MAP4K3: variants seen among roughly 807,000 people sequenced by gnomAD.
MAP4K3 encodes MAPK/ERK kinase kinase kinase 3.
A neutral mutation model predicts 143.5 loss-of-function variants in MAP4K3; 94 were observed. The observed-to-expected ratio is 0.65, with a 90% CI of 0.55 to 0.78. The LOEUF is 0.78. Among genes scored for constraint, MAP4K3 ranks in the 30% least tolerant of loss-of-function variants. MAP4K3 has a pLI of 0.00. For synonymous variants in MAP4K3, 416 were observed against 347.2 expected (o/e 1.20, Z -2.20); for missense variants, 1,077 against 1,068.1 (o/e 1.01, Z -0.12).
Position 39,283,017 on chromosome 2 carries a change from C to G in MAP4K3, c.1588-463G>C, listed in dbSNP as rs375294295. The stretch of plus-strand genomic sequence containing the variant: ...GCATAAATATACTTTATTTAGCTAT[C>G]CTTAAACATTATTCGGTATTTAGAT... On this transcript the variant is annotated intron_variant, in intron 21 of 33. Transcript: ENST00000263881. Among the ~76,000 whole-genome samples the G allele has an allele frequency of 3.1e-4, 47 of 152,210 alleles. No homozygotes were observed. The South Asian group carries it at 9.5e-3, about 31-fold the overall frequency.
intron 15 of MAP4K3, among the ~76,000 whole-genome samples, chr2:39,305,114 A>G (rs920520052): frequency 5.3e-5 from 8 of 152,182 alleles, no homozygotes; most frequent in Admixed American, 2.0e-4. Flanking sequence ...GGAAGATGAA[A>G]TCATTCTGAA....
Position 39,337,014 on chromosome 2 carries a change from C to T in MAP4K3, c.367-47G>A, listed in dbSNP as rs369735042. 476 of 970,128 alleles carry T rather than the reference C, an allele frequency of 4.9e-4. 3 individuals are homozygous for T. The highest frequency in any genetic ancestry group is 6.3e-4 in the Non-Finnish European group (399 of 633,726). 60.1% of individuals were successfully genotyped at this position (970,128 alleles called of 1,614,324 possible). ...AAATAAACAAGATTTTATCAAAGAG[C>T]ACTCTTTTGGATTTTATGTAATCAA... On this transcript the variant is annotated intron_variant, in intron 5 of 33. Coordinates refer to ENST00000263881, the MANE Select transcript of MAP4K3 (RefSeq NM_003618.4).
intron 1 of MAP4K3, among the ~76,000 whole-genome samples, chr2:39,434,647 G>A (rs141223688): frequency 4.1e-4 from 63 of 152,352 alleles, no homozygotes; most frequent in Admixed American, 2.2e-3. Context: ...CTTTAGAGAG[G>A]CAGCACTGCC....
rs751876057 is a variant in MAP4K3, at chr2:39,307,929, A to T, written c.1119+14T>A. On this transcript the variant is annotated intron_variant, in intron 15 of 33. Transcript: ENST00000263881. Reference sequence around the variant, plus strand: ...AAACAATGCTGACAAAGAAAATCAGAAGATGAGAAATACCAGATTAGATCT... The same window carrying T: ...AAACAATGCTGACAAAGAAAATCAGTAGATGAGAAATACCAGATTAGATCT... 4 of 1,520,422 alleles carry T rather than the reference A, an allele frequency of 2.6e-6. No individual in the cohort carries two copies. In the Admixed American group the frequency reaches 8.5e-5, roughly 32 times the overall value. 94.2% of individuals were successfully genotyped at this position (1,520,422 alleles called of 1,614,324 possible). A position where few individuals can be genotyped will look rare whatever the true frequency, so the allele number is the denominator to read the frequency against.
chr2:39,332,694 A>G (rs1036779751), intron 7 of MAP4K3, among the ~76,000 whole-genome samples: 1 of 152,064 alleles, frequency 6.6e-6, no homozygotes, highest in African/African-American at 2.4e-5. Flanking sequence ...CTGTTCACTA[A>G]GCAATCAATA....
In MAP4K3 at chr2:39,337,168, G is replaced by A. The variant is rs368743443; in HGVS notation, c.367-201C>T. 3.3e-5 allele frequency among the ~76,000 whole-genome samples: 5 copies of A among 152,046 alleles called. No individual in the cohort carries two copies. The South Asian group carries it at 1.0e-3, about 32-fold the overall frequency. ...TAATTTTTCTAAGAAAATTTTCAGT[G>A]AATTCTACAAATAGTTTGAAATAAC... On this transcript the variant is annotated intron_variant, in intron 5 of 33. Coordinates refer to ENST00000263881, the MANE Select transcript of MAP4K3 (RefSeq NM_003618.4).
At chr2:39,398,800 T>C (rs575613764) in intron 1 of MAP4K3, among the ~76,000 whole-genome samples, 44 of 150,612 alleles carry the variant, frequency 2.9e-4, no homozygotes, top group Non-Finnish European at 5.6e-4. Context: ...CCCAGCACTT[T>C]GGGAGGCTGA....
intron 3 of MAP4K3, among the ~76,000 whole-genome samples, chr2:39,347,171 G>T (rs1573181387): frequency 6.6e-6 from 1 of 152,128 alleles, no homozygotes; most frequent in African/African-American, 2.4e-5. Context: ...ACAGCTACTG[G>T]AATACGAGCT....
chr2:39,418,661 G>A (rs888559383), intron 1 of MAP4K3, among the ~76,000 whole-genome samples: 2 of 151,342 alleles, frequency 1.3e-5, no homozygotes, highest in African/African-American at 4.9e-5. Context: ...TATTGCCAGT[G>A]ATAAATTATG....
intron 3 of MAP4K3, among the ~76,000 whole-genome samples, chr2:39,352,085 G>A (rs1665476941): frequency 6.6e-6 from 1 of 152,150 alleles, no homozygotes; most frequent in Non-Finnish European, 1.5e-5. Flanking sequence ...AAGGTCAGGA[G>A]TTAAAGACCA....
intron 11 of MAP4K3, 22 bp downstream of exon 11, chr2:39,325,708 T>C (rs1428467444): frequency 3.8e-6 from 6 of 1,581,536 alleles, no homozygotes; most frequent in Non-Finnish European, 5.2e-6. Flanking sequence ...TATATATATA[T>C]ATTTCAGGGC....
At chr2:39,379,798 C>T (rs1666313081) in intron 1 of MAP4K3, 1 of 168,748 alleles carries the variant, frequency 5.9e-6, no homozygotes, top group South Asian at 2.0e-4. Context: ...GAAGAGCAGA[C>T]AAATGTGAAC....
Position 39,267,082 on chromosome 2 carries a change from C to T in MAP4K3, c.2032+107G>A, listed in dbSNP as rs977012902. 6 of 1,040,562 alleles carry T rather than the reference C, an allele frequency of 5.8e-6. No individual in the cohort carries two copies. In the African/African-American group the frequency reaches 6.3e-5, roughly 11 times the overall value. 64.5% of individuals were successfully genotyped at this position (1,040,562 alleles called of 1,614,324 possible). On this transcript the variant is annotated intron_variant, in intron 27 of 33. Transcript: ENST00000263881. ...AGCCAAGAAATTTGTTCTACTTAAG[C>T]AGGAAAAATAAAGTATTGCTGGCAG...
chr2:39,369,193 G>C (rs1256710288), intron 2 of MAP4K3, among the ~76,000 whole-genome samples: 1 of 37,978 alleles, frequency 2.6e-5, no homozygotes, highest in Non-Finnish European at 7.1e-5. Flanking sequence ...CTTTGGGCTA[G>C]TTTTTTTTTT....
chr2:39,258,662 A>G (rs1218230374), intron 29 of MAP4K3, 75 bp from the exon 30 acceptor site: 1 of 1,024,966 alleles, frequency 9.8e-7, no homozygotes, highest in South Asian at 1.3e-5. Flanking sequence ...AAGAAAAAGA[A>G]TTCTGAGGAT....
At chr2:39,365,283 T>C (rs1665888703) in intron 2 of MAP4K3, among the ~76,000 whole-genome samples, 1 of 152,090 alleles carries the variant, frequency 6.6e-6, no homozygotes, top group Non-Finnish European at 1.5e-5. Flanking sequence ...GAGGAGGGTA[T>C]AATGAGGATG....
intron 1 of MAP4K3, among the ~76,000 whole-genome samples, chr2:39,389,365 A>G (rs796789292): frequency 2.6e-5 from 4 of 152,266 alleles, no homozygotes; most frequent in African/African-American, 9.6e-5. Context: ...AGGAAGGAAG[A>G]GAGAACCAAT....
intron 6 of MAP4K3, among the ~76,000 whole-genome samples, chr2:39,334,659 G>T (rs1472420413): frequency 2.0e-5 from 3 of 152,086 alleles, no homozygotes; most frequent in African/African-American, 7.2e-5. Flanking sequence ...ACTTTCCTAA[G>T]TTATAGCTTA....
intron 24 of MAP4K3, among the ~76,000 whole-genome samples, chr2:39,272,978 A>C (rs1681094276): frequency 6.6e-6 from 1 of 152,228 alleles, no homozygotes; most frequent in East Asian, 1.9e-4. Context: ...GGTGTAGTGG[A>C]ACACAGGATA....
Sources: gnomAD v4.1 joint callset for allele counts (sites outside exome capture counted in the v4.1 genomes callset) on GRCh38, gnomAD v4.1.1 for gene constraint, MANE v1.5 for transcripts, NCBI Gene and HGNC (gene_info 2026-07-23, HGNC 2026-07-21) for gene names.